Variants in CTNNA3 observed in about 807,000 individuals in gnomAD.
CTNNA3 encodes catenin alpha-3.
Under a neutral mutation model 95.7 loss-of-function variants are expected in CTNNA3, and 76 were observed. The observed-to-expected ratio is 0.79, with a 90% CI of 0.66 to 0.96. CTNNA3 has a LOEUF of 0.96. Among genes scored for constraint, CTNNA3 ranks in the 40% least tolerant of loss-of-function variants. The pLI, the probability that CTNNA3 is intolerant of heterozygous loss-of-function variation, is 0.00. For synonymous variants in CTNNA3, 431 were observed against 374.4 expected, an observed-to-expected ratio of 1.15 and a Z score of -1.74; for missense variants, 1,191 against 1,089.8, an observed-to-expected ratio of 1.09 and a Z score of -1.31.
intron 9 of CTNNA3, among the ~76,000 whole-genome samples, chr10:66,755,729 C>A (rs1432554125): frequency 6.6e-6 from 1 of 152,130 alleles, no homozygotes; most frequent in Non-Finnish European, 1.5e-5. Flanking sequence ...ATTCCTCAGT[C>A]TAAACGTTGC....
At chr10:67,172,459 G>A (rs878856675) in intron 7 of CTNNA3, among the ~76,000 whole-genome samples, 1 of 152,056 alleles carries the variant, frequency 6.6e-6, no homozygotes, top group African/African-American at 2.4e-5. Context: ...TACAAAATCT[G>A]TCAGAAAAAT....
At position 66,865,350 on chromosome 10, in the gene CTNNA3, T is replaced by C. The variant is rs1448382659; in HGVS notation, c.1048-89826A>G. On this transcript the variant is annotated intron_variant, in intron 7 of 17. Coordinates refer to ENST00000433211, the MANE Select transcript of CTNNA3 (RefSeq NM_013266.4). ...ACGGTCAGAGTACGTATTTCTATCA[T>C]CATGTTAAAAAGACATAAATATAAA... Among the ~76,000 whole-genome samples, 3 of 152,046 alleles carry C rather than the reference T, an allele frequency of 2.0e-5. No individual in the cohort carries two copies. In the South Asian group the frequency reaches 6.2e-4, roughly 31 times the overall value.
chr10:66,154,416 T>A (rs1473735539), intron 13 of CTNNA3, among the ~76,000 whole-genome samples: 1 of 151,646 alleles, frequency 6.6e-6, no homozygotes, highest in Non-Finnish European at 1.5e-5. Flanking sequence ...CTTACTTATA[T>A]AGCACATTCA....
At chr10:66,754,884 A>G (rs552754313) in intron 9 of CTNNA3, among the ~76,000 whole-genome samples, 2 of 152,330 alleles carry the variant, frequency 1.3e-5, no homozygotes, top group African/African-American at 4.8e-5. Context: ...GGCACCACTG[A>G]AAAACAGCTT....
At chr10:67,010,825 G>A (rs1852277667) in intron 7 of CTNNA3, among the ~76,000 whole-genome samples, 1 of 152,186 alleles carries the variant, frequency 6.6e-6, no homozygotes, top group Admixed American at 6.5e-5. Flanking sequence ...GTTCTCAGCA[G>A]AGTTTGACAT....
intron 1 of CTNNA3, among the ~76,000 whole-genome samples, chr10:67,717,782 G>T (rs2133616423): frequency 6.6e-6 from 1 of 152,270 alleles, no homozygotes; most frequent in Non-Finnish European, 1.5e-5. Flanking sequence ...TTTTGCTTAG[G>T]ATTGTCTAGG....
intron 9 of CTNNA3, among the ~76,000 whole-genome samples, chr10:66,640,521 A>G (rs758198284): frequency 6.6e-6 from 1 of 152,170 alleles, no homozygotes; most frequent in East Asian, 1.9e-4. Context: ...CTTCTACCCA[A>G]TTCTACCTTT....
chr10:67,693,812 A>G (rs112392694), intron 1 of CTNNA3, among the ~76,000 whole-genome samples: 5,256 of 152,218 alleles, frequency 0.035, 96 homozygotes, highest in Middle Eastern at 0.085. Context: ...CTCTATTTAC[A>G]CAACATGGTT....
chr10:66,556,447 A>T (rs1178100491), intron 10 of CTNNA3, among the ~76,000 whole-genome samples: 6 of 152,054 alleles, frequency 3.9e-5, no homozygotes, highest in African/African-American at 1.4e-4. Context: ...AACAGCCAAG[A>T]TATGGAAACA....
chr10:67,344,932 A>G (rs1433904790), intron 5 of CTNNA3, among the ~76,000 whole-genome samples: 1 of 151,494 alleles, frequency 6.6e-6, no homozygotes, highest in Non-Finnish European at 1.5e-5. Flanking sequence ...ATTCCTCATT[A>G]TGTTATTTAT....
rs2092446658 is a variant in CTNNA3, at chr10:66,340,787, AATAG to A, written c.1732+38361_1732+38364del. Among the ~76,000 whole-genome samples, 3 of 151,784 alleles carry A rather than the reference AATAG, an allele frequency of 2.0e-5. No individual in the cohort carries two copies. In the South Asian group the frequency reaches 6.2e-4, roughly 31 times the overall value. On this transcript the variant is annotated intron_variant, in intron 12 of 17. Transcript: ENST00000433211. ...GGATGAGATATTCTTACCCCTGTTT[AATAG>A]ATAAATAAAATGTGGCGAAAAAAAG... is the stretch of plus-strand genomic sequence containing the variant.
intron 7 of CTNNA3, among the ~76,000 whole-genome samples, chr10:67,013,614 T>G (rs2133047482): frequency 6.6e-6 from 1 of 152,304 alleles, no homozygotes; most frequent in Middle Eastern, 3.4e-3. Context: ...TACAGATTAC[T>G]TCCTTTTCTT....
intron 7 of CTNNA3, among the ~76,000 whole-genome samples, chr10:66,879,725 G>A (rs367649350): frequency 3.3e-5 from 5 of 151,996 alleles, no homozygotes; most frequent in African/African-American, 1.2e-4. Context: ...TCTTGTACTG[G>A]GAACACTCAG....
chr10:67,047,542 T>C (rs1285386748), intron 7 of CTNNA3, among the ~76,000 whole-genome samples: 1 of 152,160 alleles, frequency 6.6e-6, no homozygotes, highest in Non-Finnish European at 1.5e-5. Context: ...GCTTCTTGTC[T>C]GACCACTTAT....
intron 10 of CTNNA3, among the ~76,000 whole-genome samples, chr10:66,551,958 A>G (rs988745447): frequency 1.5e-5 from 2 of 132,796 alleles, no homozygotes; most frequent in African/African-American, 5.8e-5. Flanking sequence ...GCTGGAGTGC[A>G]GTGGCGCTGA....
intron 1 of CTNNA3, among the ~76,000 whole-genome samples, chr10:67,667,585 T>C (rs1840354302): frequency 6.6e-6 from 1 of 152,116 alleles, no homozygotes; most frequent in Admixed American, 6.5e-5. Context: ...TCTTCCTCAA[T>C]TGTCATTCAA....
chr10:66,055,646 G>A (rs763998035), intron 15 of CTNNA3, among the ~76,000 whole-genome samples: 49 of 151,104 alleles, frequency 3.2e-4, no homozygotes, highest in Admixed American at 5.9e-4. Context: ...AAAATCGGCC[G>A]GGCGTGATGG....
chr10:66,118,764 A>G (rs952231860), intron 13 of CTNNA3, among the ~76,000 whole-genome samples: 1 of 152,194 alleles, frequency 6.6e-6, no homozygotes, highest in Non-Finnish European at 1.5e-5. Context: ...TTGGAAAAGG[A>G]TCACTGTTAT....
intron 7 of CTNNA3, among the ~76,000 whole-genome samples, chr10:67,143,870 C>A (rs1860714808): frequency 6.6e-6 from 1 of 152,176 alleles, no homozygotes; most frequent in Non-Finnish European, 1.5e-5. Flanking sequence ...GACCTCCTTC[C>A]ATGAATCACA....
Sources: allele counts gnomAD v4.1 joint callset (sites outside exome capture counted in the v4.1 genomes callset), GRCh38; gene constraint gnomAD v4.1.1; transcripts MANE v1.5; gene names NCBI Gene and HGNC (gene_info 2026-07-23, HGNC 2026-07-21).